The following P2RY14 variants were observed in gnomAD, a reference collection of about 807,000 sequenced individuals.
P2RY14 encodes purinergic receptor P2Y14.
In P2RY14, 2 loss-of-function variants were observed where a neutral mutation model predicts 0.9. The ratio of observed to expected loss-of-function variants is 2.16; its 90% CI spans 0.88 to 6.79. The LOEUF (loss-of-function observed/expected upper bound fraction) is 6.79, where lower values mean the gene tolerates loss of function less well. Ranked by LOEUF, P2RY14 falls within the 30% of genes most tolerant of loss-of-function variation. The pLI is 0.05. For synonymous variants in P2RY14, 158 were observed against 147.2 expected (o/e 1.07, Z -0.53); for missense variants, 378 against 400.1 (o/e 0.94, Z 0.47).
intron 1 of P2RY14, among the ~76,000 whole-genome samples, chr3:151,258,851 CAAAAAAAAAAA>C (rs63714361): frequency 4.4e-5 from 4 of 89,934 alleles, no homozygotes; most frequent in Admixed American, 1.1e-4. Flanking sequence ...GATTCTGTCT[CAAAAAAAAAAA>C]AAAAAAAAAA....
chr3:151,276,937 C>G (rs1316653336), intron 1 of P2RY14, among the ~76,000 whole-genome samples: 1 of 152,168 alleles, frequency 6.6e-6, no homozygotes, highest in African/African-American at 2.4e-5. Flanking sequence ...CACTCTCTCG[C>G]CCAGACTGGA....
At chr3:151,262,247 C>T (rs1404656837) in intron 1 of P2RY14, among the ~76,000 whole-genome samples, 1 of 152,154 alleles carries the variant, frequency 6.6e-6, no homozygotes, top group Non-Finnish European at 1.5e-5. Flanking sequence ...GGATGTATCC[C>T]ATCAGAAGTA....
intron 1 of P2RY14, among the ~76,000 whole-genome samples, chr3:151,231,374 A>G (rs1731634901): frequency 6.6e-6 from 1 of 152,206 alleles, no homozygotes; most frequent in African/African-American, 2.4e-5. Context: ...TTAGAGTAAT[A>G]AAAAGTATAC....
At chr3:151,257,105 A>G (rs542823069) in intron 1 of P2RY14, among the ~76,000 whole-genome samples, 1 of 152,246 alleles carries the variant, frequency 6.6e-6, no homozygotes, top group African/African-American at 2.4e-5. Context: ...AATGCTTATG[A>G]GAGATTTTAG....
intron 1 of P2RY14, among the ~76,000 whole-genome samples, chr3:151,263,706 G>A (rs1739312202): frequency 6.6e-6 from 1 of 152,140 alleles, no homozygotes; most frequent in South Asian, 2.1e-4. Flanking sequence ...AGAGATTAAT[G>A]TAATATAGAG....
chr3:151,267,371 G>C (rs923267526), intron 1 of P2RY14, among the ~76,000 whole-genome samples: 2 of 152,148 alleles, frequency 1.3e-5, no homozygotes, highest in African/African-American at 4.8e-5. Flanking sequence ...AATTTAAGTA[G>C]CTAATCACAA....
intron 1 of P2RY14, among the ~76,000 whole-genome samples, chr3:151,266,825 A>G (rs1739927334): frequency 6.6e-6 from 1 of 152,188 alleles, no homozygotes; most frequent in Non-Finnish European, 1.5e-5. Flanking sequence ...TGTCCTACGA[A>G]GGGAAAACTT....
chr3:151,230,422 C>A (rs1339971442), intron 1 of P2RY14, among the ~76,000 whole-genome samples: 1 of 152,176 alleles, frequency 6.6e-6, no homozygotes, highest in African/African-American at 2.4e-5. Context: ...TGTTAGATGC[C>A]ATTTCATTAT....
At position 151,213,733 on chromosome 3, in the gene P2RY14, A is replaced by T; in HGVS notation, c.584T>A (p.Phe195Tyr). ...KASNYIFVAIFWIVFLLLIVF... is the reference protein window; with the variant it reads ...KASNYIFVAIYWIVFLLLIVF... The stretch of plus-strand genomic sequence containing the variant: ...GATTAACAAAAGAAACACAATCCAG[A>T]AGATGGCCACGAAGATGTAGTTTGA... Residue 195 changes from phenylalanine to tyrosine, a missense_variant, in exon 3 of 3, where the codon TTC (phenylalanine) becomes TAC (tyrosine). Transcript: ENST00000309170. 1.9e-6 allele frequency: 3 copies of T among 1,614,200 alleles called. No individual in the cohort carries two copies. The highest frequency in any genetic ancestry group is 2.5e-6 in the Non-Finnish European group (3 of 1,180,016).
chr3:151,214,255 G>T lies in P2RY14; in HGVS notation c.62C>A (p.Thr21Asn). The stretch of plus-strand genomic sequence containing the variant: ...GTACAGCACAGGAATGATCTGCTGA[G>T]TGATCAGGAGGTTCTGAGAGCAGGA... ...DESCSQNLLI[T>N]QQIIPVLYCM... Residue 21 changes from threonine to asparagine, a missense_variant, in exon 3 of 3, where the codon ACT (threonine) becomes AAT (asparagine). Transcript: ENST00000309170. The T allele has an allele frequency of 1.2e-6, 2 of 1,614,000 alleles. No individual in the cohort carries two copies. Among genetic ancestry groups the T allele is most frequent in the Non-Finnish European group, 1.7e-6 (2 of 1,179,880 alleles).
chr3:151,239,557 C>T (rs7632688), intron 1 of P2RY14, among the ~76,000 whole-genome samples: 3,924 of 152,172 alleles, frequency 0.026, 158 homozygotes, highest in African/African-American at 0.091. Context: ...AAATATTTTT[C>T]ATAAAAATGT....
At chr3:151,275,336 G>T (rs1055831339) in intron 1 of P2RY14, among the ~76,000 whole-genome samples, 8 of 151,386 alleles carry the variant, frequency 5.3e-5, no homozygotes, top group Non-Finnish European at 1.0e-4. Context: ...ATATAATTGG[G>T]TAGAAGCCAG....
Position 151,216,165 on chromosome 3 carries a change from A to T in P2RY14, c.-24-1825T>A, listed in dbSNP as rs139588304. On this transcript the variant is annotated intron_variant, in intron 2 of 2. Coordinates refer to ENST00000309170, the MANE Select transcript of P2RY14 (RefSeq NM_014879.4). ...ATTTTTTTACTCTTGAATTCTTTGC[A>T]TAATATTTAGGGCATTAGATAGTTA... 1.7e-3 allele frequency among the ~76,000 whole-genome samples: 261 copies of T among 152,314 alleles called. 1 individual carries two copies. Among genetic ancestry groups the T allele is most frequent in the African/African-American group, 5.7e-3 (238 of 41,570 alleles).
chr3:151,261,765 T>A lies in P2RY14; in HGVS notation c.-133+16522A>T, dbSNP rs534387635. On this transcript the variant is annotated intron_variant, in intron 1 of 2. Transcript: ENST00000309170. The stretch of plus-strand genomic sequence containing the variant: ...TTTGAGACAGAGTCTTGCTGTGTCA[T>A]CCAGGCCACAGTGCAGTGGTATGAT... 3.3e-5 allele frequency among the ~76,000 whole-genome samples: 5 copies of A among 152,174 alleles called. No individual in the cohort carries two copies. In the South Asian group the frequency reaches 1.0e-3, roughly 32 times the overall value.
chr3:151,259,967 A>G (rs1306068176), intron 1 of P2RY14, among the ~76,000 whole-genome samples: 1 of 152,118 alleles, frequency 6.6e-6, no homozygotes, highest in Non-Finnish European at 1.5e-5. Context: ...TGTGGTAAAT[A>G]TTTTCTTCAT....
At chr3:151,260,375 G>C (rs1738633065) in intron 1 of P2RY14, among the ~76,000 whole-genome samples, 1 of 151,916 alleles carries the variant, frequency 6.6e-6, no homozygotes, top group South Asian at 2.1e-4. Context: ...TTTGAGACAG[G>C]GTCTTGCTCT....
rs1727462872 is a variant in P2RY14 at position 151,213,160 on chromosome 3, A to C, written c.*140T>G. Reference sequence around the variant, plus strand: ...GTTACAAAAAAGCATGGAAACTTATATTTGAATTTTATTGAACTAAATTGG... The same window carrying C: ...GTTACAAAAAAGCATGGAAACTTATCTTTGAATTTTATTGAACTAAATTGG... On this transcript the variant is annotated 3_prime_UTR_variant, in exon 3 of 3. Transcript: ENST00000309170. The C allele has an allele frequency of 3.1e-6, 2 of 637,964 alleles. No individual in the cohort carries two copies. Among genetic ancestry groups the C allele is most frequent in the Non-Finnish European group, 2.6e-6 (1 of 382,466 alleles). 39.5% of individuals were successfully genotyped at this position (637,964 alleles called of 1,614,324 possible). A position where few individuals can be genotyped will look rare whatever the true frequency, so the allele number is the denominator to read the frequency against.
chr3:151,244,900 G>A (rs1192366771), intron 1 of P2RY14, among the ~76,000 whole-genome samples: 1 of 151,956 alleles, frequency 6.6e-6, no homozygotes, highest in South Asian at 2.1e-4. Context: ...AAAGAGAGAA[G>A]AATCTAATAG....
Position 151,247,746 on chromosome 3 carries a change from A to C in P2RY14, c.-132-28104T>G, listed in dbSNP as rs1735932686. Reference sequence around the variant, plus strand: ...CTGCACAATGTGCACATGTACCCTAAAACTTAATGTATAATAAAAAAAAAA... The same window carrying C: ...CTGCACAATGTGCACATGTACCCTACAACTTAATGTATAATAAAAAAAAAA... On this transcript the variant is annotated intron_variant, in intron 1 of 2. Transcript: ENST00000309170. 2.1e-5 allele frequency among the ~76,000 whole-genome samples: 3 copies of C among 141,286 alleles called. No individual in the cohort carries two copies. The Admixed American group carries it at 2.2e-4, about 11-fold the overall frequency. The allele number at this position is 141,286 out of a possible 152,430, so 92.7% of individuals were successfully genotyped here. A position where few individuals can be genotyped will look rare whatever the true frequency, so the allele number is the denominator to read the frequency against.
Sources: gnomAD v4.1 joint callset for allele counts (sites outside exome capture counted in the v4.1 genomes callset) on GRCh38, gnomAD v4.1.1 for gene constraint, MANE v1.5 for transcripts, NCBI Gene and HGNC (gene_info 2026-07-23, HGNC 2026-07-21) for gene names.